LTBP2: variants seen among roughly 807,000 people sequenced by gnomAD.
LTBP2 encodes latent transforming growth factor beta binding protein 2.
A neutral mutation model predicts 210.6 loss-of-function variants in LTBP2; 103 were observed. The ratio of observed to expected loss-of-function variants is 0.49; its 90% CI spans 0.42 to 0.58. LTBP2 has a LOEUF of 0.58. Among genes scored for constraint, LTBP2 ranks in the 20% least tolerant of loss-of-function variants. The probability of loss-of-function intolerance (pLI) is 0.00; values close to 1 mark genes in which losing one functional copy is unlikely to be tolerated. For synonymous variants in LTBP2, 1,007 were observed against 1,015.0 expected (o/e 0.99, Z 0.15); for missense variants, 2,313 against 2,494.5 (o/e 0.93, Z 1.55).
chr14:74,579,181 C>T (rs1345336481), intron 3 of LTBP2, among the ~76,000 whole-genome samples: 1 of 152,216 alleles, frequency 6.6e-6, no homozygotes, highest in Non-Finnish European at 1.5e-5. Flanking sequence ...CTGATTCTGC[C>T]TCGTCACTGG....
intron 1 of LTBP2, among the ~76,000 whole-genome samples, chr14:74,604,390 C>T (rs8006778): frequency 0.51 from 77,961 of 151,704 alleles, 20,892 homozygotes; most frequent in African/African-American, 0.63. Flanking sequence ...GCTCTAGAAT[C>T]CCTGGTTAAG....
chr14:74,536,986 A>G (rs2087429575), intron 8 of LTBP2, among the ~76,000 whole-genome samples: 1 of 152,188 alleles, frequency 6.6e-6, no homozygotes, highest in Non-Finnish European at 1.5e-5. Flanking sequence ...CACTACATGC[A>G]TGTTATATAT....
chr14:74,577,712 G>T (rs1185792565), intron 3 of LTBP2, among the ~76,000 whole-genome samples: 1 of 151,768 alleles, frequency 6.6e-6, no homozygotes, highest in Non-Finnish European at 1.5e-5. Flanking sequence ...TTTCCATGTT[G>T]ATCAGGCTGG....
At chr14:74,510,804 C>T (rs780692193) in intron 19 of LTBP2, among the ~76,000 whole-genome samples, 10 of 152,250 alleles carry the variant, frequency 6.6e-5, no homozygotes, top group Non-Finnish European at 1.3e-4. Flanking sequence ...GAGCACACGC[C>T]TCCTACTGCA....
At chr14:74,534,091 G>A (rs1424303598) in intron 9 of LTBP2, among the ~76,000 whole-genome samples, 1 of 152,164 alleles carries the variant, frequency 6.6e-6, no homozygotes, top group Non-Finnish European at 1.5e-5. Flanking sequence ...GTGGCAGGGT[G>A]CCAATAAGAG....
At chr14:74,571,022 C>T (rs2087968803) in intron 3 of LTBP2, among the ~76,000 whole-genome samples, 1 of 150,934 alleles carries the variant, frequency 6.6e-6, no homozygotes, top group African/African-American at 2.4e-5. Context: ...AAATAAACCA[C>T]TTTTCTTTAT....
rs549298255 is a variant in LTBP2 at position 74,530,152 on chromosome 14, G to A, written c.1988-1030C>T. The stretch of plus-strand genomic sequence containing the variant: ...GTATCATCACTCTGGTTCTCCTACA[G>A]GAACCACCCTTTCCCACCCTTGGTC... On this transcript the variant is annotated intron_variant, in intron 10 of 35. Coordinates refer to ENST00000261978, the MANE Select transcript of LTBP2 (RefSeq NM_000428.3). Among the ~76,000 whole-genome samples the A allele has an allele frequency of 1.8e-4, 28 of 152,312 alleles. 1 individual carries two copies. The South Asian group carries it at 2.7e-3, about 15-fold the overall frequency.
chr14:74,556,014 G>A (rs1300342299), intron 3 of LTBP2, among the ~76,000 whole-genome samples: 1 of 152,180 alleles, frequency 6.6e-6, no homozygotes, highest in Non-Finnish European at 1.5e-5. Flanking sequence ...CGGTCCTCAC[G>A]TAGCTCTGAC....
chr14:74,610,632 C>T (rs2088592129), intron 1 of LTBP2, among the ~76,000 whole-genome samples: 1 of 152,238 alleles, frequency 6.6e-6, no homozygotes, highest in Non-Finnish European at 1.5e-5. Context: ...TGCCCGCAGC[C>T]ATGATGATCC....
At chr14:74,581,029 C>T (rs1367600400) in intron 3 of LTBP2, among the ~76,000 whole-genome samples, 1 of 152,220 alleles carries the variant, frequency 6.6e-6, no homozygotes, top group Admixed American at 6.5e-5. Flanking sequence ...GTGGGAGCAT[C>T]TCCAGCACAT....
At chr14:74,569,045 G>A (rs938401731) in intron 3 of LTBP2, among the ~76,000 whole-genome samples, 4 of 152,120 alleles carry the variant, frequency 2.6e-5, no homozygotes, top group African/African-American at 9.7e-5. Flanking sequence ...GCTTCCCAAG[G>A]GCTGGGTGTG....
chr14:74,539,199 TAC>T (rs2087460839), intron 8 of LTBP2, among the ~76,000 whole-genome samples: 1 of 152,216 alleles, frequency 6.6e-6, no homozygotes. Flanking sequence ...ATCCCCATTT[TAC>T]AGATTAGGAA....
chr14:74,510,321 A>G, intron 19 of LTBP2, 108 bp from the exon 20 acceptor site: 1 of 1,523,598 alleles, frequency 6.6e-7, no homozygotes, highest in South Asian at 1.1e-5. Flanking sequence ...CAGCCTTCAG[A>G]GGGGCCGCAG....
At chr14:74,600,264 A>G (rs1202031446) in intron 2 of LTBP2, among the ~76,000 whole-genome samples, 1 of 152,216 alleles carries the variant, frequency 6.6e-6, no homozygotes, top group East Asian at 1.9e-4. Context: ...GGGCGAGCCA[A>G]CTTCAAGTGG....
chr14:74,540,836 TA>T (rs2087490585), intron 8 of LTBP2, among the ~76,000 whole-genome samples: 1 of 30,296 alleles, frequency 3.3e-5, no homozygotes, highest in African/African-American at 6.8e-5. Context: ...ATATAATATA[TA>T]TTTATATATA....
At position 74,506,184 on chromosome 14, in the gene LTBP2, G is replaced by A. The variant is rs772766355; in HGVS notation, c.4041C>T (p.Asn1347=). Reference sequence around the variant, plus strand: ...ATACCGCCAGCATAAGCTCACACTCGTTCACATCTGCCAGGTGTGAGAACA... The same window carrying A: ...ATACCGCCAGCATAAGCTCACACTCATTCACATCTGCCAGGTGTGAGAACA... ...SPSGWDCVDV[N]ECELMLAVCG... Residue 1347 remains asparagine (N), a synonymous_variant, in exon 28 of 36, where the codon AAC becomes AAT. Coordinates refer to ENST00000261978, the MANE Select transcript of LTBP2 (RefSeq NM_000428.3). 100 of 1,614,024 alleles carry A rather than the reference G, an allele frequency of 6.2e-5. No individual in the cohort carries two copies. Among genetic ancestry groups the A allele is most frequent in the Non-Finnish European group, 7.5e-5 (88 of 1,180,040 alleles).
At chr14:74,555,076 T>C (rs749984050) in intron 4 of LTBP2, among the ~76,000 whole-genome samples, 1 of 150,192 alleles carries the variant, frequency 6.7e-6, no homozygotes, top group Non-Finnish European at 1.5e-5. Flanking sequence ...GAGTGTGCCA[T>C]GGCGTGAATC....
In LTBP2 at chr14:74,498,843, CTTAAT is replaced by C. The variant is rs1427898419; in HGVS notation, c.*2036_*2040del. 2.6e-5 allele frequency: 6 copies of C among 228,836 alleles called. No individual in the cohort carries two copies. The East Asian group carries it at 3.7e-4, about 14-fold the overall frequency. The allele number at this position is 228,836 out of a possible 1,614,324, so 14.2% of individuals were successfully genotyped here. On this transcript the variant is annotated 3_prime_UTR_variant, in exon 36 of 36. Transcript: ENST00000261978. ...CTGTTATGCAACCCTCCCTTTTCCC[CTTAAT>C]TTGTTTTGGATATCTTTCTTAAGGA...
At position 74,527,026 on chromosome 14, in the gene LTBP2, G is replaced by C. The variant is rs2087282041; in HGVS notation, c.2388+321C>G. 2.0e-5 allele frequency among the ~76,000 whole-genome samples: 3 copies of C among 152,202 alleles called. No homozygotes were observed. In the South Asian group the frequency reaches 6.2e-4, roughly 31 times the overall value. On this transcript the variant is annotated intron_variant, in intron 13 of 35. Coordinates refer to ENST00000261978, the MANE Select transcript of LTBP2 (RefSeq NM_000428.3). ...AGCAGCTCCACACCTCGTCTGCAGT[G>C]CTTAAAGCTTGAGTGACAGCCAGGC...
Sources: allele counts gnomAD v4.1 joint callset (sites outside exome capture counted in the v4.1 genomes callset), GRCh38; gene constraint gnomAD v4.1.1; transcripts MANE v1.5; gene names NCBI Gene and HGNC (gene_info 2026-07-23, HGNC 2026-07-21).